ETS1: variants seen among roughly 807,000 people sequenced by gnomAD.
ETS1 encodes protein C-ets-1.
ETS1 carries 15 observed loss-of-function variants against 58.6 expected under a neutral mutation model. The ratio of observed to expected loss-of-function variants is 0.26; its 90% confidence interval spans 0.17 to 0.39. The LOEUF is 0.39. Among genes scored for constraint, ETS1 ranks in the 10% least tolerant of loss-of-function variants. ETS1 has a pLI of 1.00. For synonymous variants in ETS1, 214 were observed against 218.2 expected, an observed-to-expected ratio of 0.98 and a Z score of 0.17; for missense variants, 417 against 610.5, an observed-to-expected ratio of 0.68 and a Z score of 3.34.
chr11:128,482,850 G>T (rs1447140699), intron 7 of ETS1, among the ~76,000 whole-genome samples: 1 of 152,130 alleles, frequency 6.6e-6, no homozygotes, highest in East Asian at 1.9e-4. Flanking sequence ...ACAGACCTCA[G>T]AGCACTCAAA....
At chr11:128,542,798 C>A (rs1041527880) in intron 3 of ETS1, among the ~76,000 whole-genome samples, 1 of 152,146 alleles carries the variant, frequency 6.6e-6, no homozygotes, top group Non-Finnish European at 1.5e-5. Flanking sequence ...ACAAAAAATA[C>A]CCATGGAACA....
At chr11:128,472,059 T>G (rs1438734486) in intron 8 of ETS1, among the ~76,000 whole-genome samples, 2 of 152,190 alleles carry the variant, frequency 1.3e-5, no homozygotes, top group Non-Finnish European at 2.9e-5. Flanking sequence ...CCAGAGTGTG[T>G]TGAATAGCAA....
intron 3 of ETS1, among the ~76,000 whole-genome samples, chr11:128,545,704 T>A (rs1864123179): frequency 6.6e-6 from 1 of 152,216 alleles, no homozygotes; most frequent in African/African-American, 2.4e-5. Flanking sequence ...CTATTTTTCA[T>A]CTCTATTTTA....
At chr11:128,566,091 T>C (rs1336267440) in intron 2 of ETS1, among the ~76,000 whole-genome samples, 1 of 152,232 alleles carries the variant, frequency 6.6e-6, no homozygotes, top group Non-Finnish European at 1.5e-5. Context: ...AACCACCGGC[T>C]GTGACAAGAG....
chr11:128,489,722 C>G lies in ETS1; in HGVS notation c.335-232G>C, dbSNP rs559261846. Among the ~76,000 whole-genome samples the G allele has an allele frequency of 3.3e-5, 5 of 152,260 alleles. No individual in the cohort carries two copies. In the South Asian group the frequency reaches 1.0e-3, roughly 32 times the overall value. The stretch of plus-strand genomic sequence containing the variant: ...CAGCTAGGAGGTCACTACTGCCAGC[C>G]AAAAAGTACCACATGAGTATTCTCT... On this transcript the variant is annotated intron_variant, in intron 4 of 9. Coordinates refer to ENST00000392668, the MANE Select transcript of ETS1 (RefSeq NM_001143820.2).
chr11:128,565,680 G>A (rs7102538), intron 2 of ETS1, among the ~76,000 whole-genome samples: 133,128 of 152,250 alleles, frequency 0.87, 58,342 homozygotes, highest in African/African-American at 0.92. Context: ...TTCAATTTCT[G>A]TGACAACCAC....
At chr11:128,551,280 G>A (rs4262739) in intron 3 of ETS1, among the ~76,000 whole-genome samples, 71,979 of 151,980 alleles carry the variant, frequency 0.47, 17,549 homozygotes, top group East Asian at 0.81. Flanking sequence ...AAGCCAAATT[G>A]GAGGCATCTG....
At chr11:128,539,811 C>G (rs1427690376) in intron 3 of ETS1, among the ~76,000 whole-genome samples, 1 of 152,150 alleles carries the variant, frequency 6.6e-6, no homozygotes, top group Non-Finnish European at 1.5e-5. Context: ...ATACTGATGC[C>G]TGCTACAACA....
At chr11:128,535,863 T>C (rs1863965793) in intron 3 of ETS1, among the ~76,000 whole-genome samples, 1 of 152,210 alleles carries the variant, frequency 6.6e-6, no homozygotes, top group South Asian at 2.1e-4. Context: ...TCCATGATCT[T>C]GTAGTTAATC....
chr11:128,528,808 C>T lies in ETS1; in HGVS notation c.214+27483G>A, dbSNP rs77375867. 7.3e-3 allele frequency among the ~76,000 whole-genome samples: 1,112 copies of T among 152,270 alleles called. 4 individuals are homozygous for T. The highest frequency in any genetic ancestry group is 0.025 in the African/African-American group (1,027 of 41,556). Reference sequence around the variant, plus strand: ...ACTCATTTCTAACTAAAAAGGTCTTCGTAAAGTTTTATTCTGTTCCTCCCA... The same window carrying T: ...ACTCATTTCTAACTAAAAAGGTCTTTGTAAAGTTTTATTCTGTTCCTCCCA... On this transcript the variant is annotated intron_variant, in intron 3 of 9. Transcript: ENST00000392668.
intron 3 of ETS1, 90 bp from the exon 4 acceptor site, chr11:128,490,666 C>G: frequency 2.0e-6 from 2 of 1,001,812 alleles, no homozygotes; most frequent in South Asian, 2.9e-5. Flanking sequence ...AGAAGGCAAG[C>G]TGAGAAACAA....
In ETS1 at chr11:128,573,119, A is replaced by G. The variant is rs779996354; in HGVS notation, c.12T>C (p.Phe4=). The change falls in exon 2 of 10, where the codon TTT becomes TTC. Residue 4 remains phenylalanine (F), a synonymous_variant. Coordinates refer to ENST00000392668, the MANE Select transcript of ETS1 (RefSeq NM_001143820.2). The part of the protein sequence containing the change: MSY[F]VDSAGSSPVP... ...CGGGGCTGCTCCCAGCAGAATCCAC[A>G]AAGTAGCTCATTCTGCTCTCAGCAC... 3 of 1,593,716 alleles carry G rather than the reference A, an allele frequency of 1.9e-6. No homozygotes were observed. Among genetic ancestry groups the G allele is most frequent in the African/African-American group, 2.7e-5 (2 of 74,696 alleles).
At chr11:128,514,341 T>A (rs2135505764) in intron 3 of ETS1, among the ~76,000 whole-genome samples, 1 of 152,282 alleles carries the variant, frequency 6.6e-6, no homozygotes, top group South Asian at 2.1e-4. Flanking sequence ...CATCCTGAGG[T>A]TCAAAACGCT....
At chr11:128,553,718 C>T (rs1864267978) in intron 3 of ETS1, among the ~76,000 whole-genome samples, 1 of 151,976 alleles carries the variant, frequency 6.6e-6, no homozygotes, top group South Asian at 2.1e-4. Context: ...CCTCCTCAGC[C>T]TCTGCCCCTT....
intron 8 of ETS1, among the ~76,000 whole-genome samples, chr11:128,472,424 C>T (rs1862210485): frequency 6.6e-6 from 1 of 152,232 alleles, no homozygotes; most frequent in African/African-American, 2.4e-5. Context: ...ATGCATTGAA[C>T]TCAGAAGCCC....
intron 3 of ETS1, chr11:128,505,126 A>T (rs1863195586): frequency 6.6e-6 from 1 of 152,224 alleles, no homozygotes; most frequent in African/African-American, 2.4e-5. Context: ...GTGATCTATG[A>T]ACCTTTATCT....
At chr11:128,530,416 G>T (rs1053277084) in intron 3 of ETS1, 1 of 152,230 alleles carries the variant, frequency 6.6e-6, no homozygotes, top group African/African-American at 2.4e-5. Flanking sequence ...GTAAGAGGGC[G>T]CCATTTAATC....
At chr11:128,492,006 G>A (rs1286853647) in intron 3 of ETS1, among the ~76,000 whole-genome samples, 1 of 152,156 alleles carries the variant, frequency 6.6e-6, no homozygotes, top group African/African-American at 2.4e-5. Flanking sequence ...ATTAACCTCA[G>A]GCACAGTTTC....
chr11:128,495,790 A>T (rs12805120), intron 3 of ETS1, among the ~76,000 whole-genome samples: 44,427 of 152,088 alleles, frequency 0.29, 6,913 homozygotes, highest in African/African-American at 0.39. Context: ...CTGATTTCAC[A>T]TACGCCATTA....
Sources: gnomAD v4.1 joint callset for allele counts (sites outside exome capture counted in the v4.1 genomes callset) on GRCh38, gnomAD v4.1.1 for gene constraint, MANE v1.5 for transcripts, NCBI Gene and HGNC (gene_info 2026-07-23, HGNC 2026-07-21) for gene names.